GNAT3: variants seen among roughly 807,000 people sequenced by gnomAD.
GNAT3 encodes the protein G protein subunit alpha transducin 3.
GNAT3 carries 31 observed loss-of-function variants against 37.7 expected under a neutral mutation model. That is an observed-to-expected ratio of 0.82 (90% confidence interval 0.62 to 1.11). The LOEUF (loss-of-function observed/expected upper bound fraction) is 1.11, where lower values mean the gene tolerates loss of function less well. Ranked by LOEUF, GNAT3 falls within the 50% of genes most tolerant of loss-of-function variation. The pLI is 0.00. For synonymous variants in GNAT3, 138 were observed against 139.8 expected (o/e 0.99, Z 0.09); for missense variants, 437 against 412.5 (o/e 1.06, Z -0.51).
intron 4 of GNAT3, among the ~76,000 whole-genome samples, chr7:80,475,702 T>C (rs1584174862): frequency 6.6e-6 from 1 of 152,136 alleles, no homozygotes; most frequent in African/African-American, 2.4e-5. Flanking sequence ...AACAAAATTA[T>C]TTTATTAGTT....
chr7:80,500,317 A>C (rs956598754), intron 1 of GNAT3, among the ~76,000 whole-genome samples: 2 of 151,888 alleles, frequency 1.3e-5, no homozygotes, highest in Non-Finnish European at 2.9e-5. Flanking sequence ...ATCCTCCCAC[A>C]AACCACGTGT....
chr7:80,488,982 G>A (rs1418016173), intron 2 of GNAT3, among the ~76,000 whole-genome samples: 1 of 151,940 alleles, frequency 6.6e-6, no homozygotes, highest in Non-Finnish European at 1.5e-5. Flanking sequence ...ATTTTTTTAA[G>A]AGAAAAATTT....
At chr7:80,473,367 TTTATC>T (rs1790250847) in intron 5 of GNAT3, among the ~76,000 whole-genome samples, 3 of 152,144 alleles carry the variant, frequency 2.0e-5, no homozygotes, top group Non-Finnish European at 4.4e-5. Context: ...ATTTGAAGCT[TTTATC>T]TTACTAAAAT....
chr7:80,463,539 A>T (rs1192734409), intron 5 of GNAT3, among the ~76,000 whole-genome samples: 3 of 151,958 alleles, frequency 2.0e-5, no homozygotes, highest in Non-Finnish European at 4.4e-5. Context: ...TCCATAAAGA[A>T]GCCTCCTGGA....
intron 5 of GNAT3, among the ~76,000 whole-genome samples, chr7:80,466,439 C>G (rs149052302): frequency 6.6e-6 from 1 of 152,116 alleles, no homozygotes; most frequent in Non-Finnish European, 1.5e-5. Context: ...AAACTCCTCT[C>G]TTTAAGGTGA....
intron 5 of GNAT3, among the ~76,000 whole-genome samples, chr7:80,473,897 G>A (rs530406807): frequency 6.6e-6 from 1 of 152,140 alleles, no homozygotes; most frequent in East Asian, 1.9e-4. Flanking sequence ...AAAATAGAAA[G>A]GCAAAGGAAA....
intron 1 of GNAT3, among the ~76,000 whole-genome samples, chr7:80,503,191 T>C (rs533005825): frequency 3.2e-4 from 49 of 152,314 alleles, no homozygotes; most frequent in Non-Finnish European, 5.9e-4. Flanking sequence ...CATTTCTACA[T>C]GCAAAGGTAT....
rs574247658 is a variant in GNAT3, at chr7:80,492,117, G to T, written c.161+2488C>A. Among the ~76,000 whole-genome samples the T allele has an allele frequency of 5.9e-5, 9 of 151,408 alleles. No homozygotes were observed. In the South Asian group the frequency reaches 1.9e-3, roughly 32 times the overall value. ...GGCTGAAGCAGGTGGATCACTTGAG[G>T]TCAGGAGTTCGAGACCAGCCTGGCC... On this transcript the variant is annotated intron_variant, in intron 2 of 7. Transcript: ENST00000398291.
At chr7:80,476,637 A>G (rs985180456) in intron 4 of GNAT3, among the ~76,000 whole-genome samples, 1 of 151,826 alleles carries the variant, frequency 6.6e-6, no homozygotes, top group Non-Finnish European at 1.5e-5. Flanking sequence ...AACAAGAAGT[A>G]TCTTACTTTT....
intron 4 of GNAT3, 109 bp downstream of exon 4, chr7:80,478,731 TA>T: frequency 2.9e-6 from 3 of 1,046,000 alleles, no homozygotes; most frequent in South Asian, 3.2e-5. Flanking sequence ...TAATAAAATG[TA>T]ACACCATTTA....
At chr7:80,479,931 AG>A (rs1790365972) in intron 3 of GNAT3, among the ~76,000 whole-genome samples, 1 of 152,080 alleles carries the variant, frequency 6.6e-6, no homozygotes, top group South Asian at 2.1e-4. Context: ...AGTAGGACAG[AG>A]GTGAGAGTTT....
chr7:80,490,044 T>C (rs894578581), intron 2 of GNAT3, among the ~76,000 whole-genome samples: 4 of 152,074 alleles, frequency 2.6e-5, no homozygotes, highest in Non-Finnish European at 5.9e-5. Context: ...TAAATTTCAG[T>C]GAGATAGAGC....
At chr7:80,491,270 G>T (rs1023095353) in intron 2 of GNAT3, among the ~76,000 whole-genome samples, 1 of 152,146 alleles carries the variant, frequency 6.6e-6, no homozygotes, top group Non-Finnish European at 1.5e-5. Context: ...GTAGGCTGGC[G>T]TTGTTGTAAT....
intron 2 of GNAT3, among the ~76,000 whole-genome samples, chr7:80,491,536 C>A (rs750043711): frequency 6.6e-5 from 10 of 152,074 alleles, no homozygotes; most frequent in East Asian, 3.9e-4. Flanking sequence ...GAGACACTAA[C>A]ATTTTAAATG....
intron 5 of GNAT3, among the ~76,000 whole-genome samples, chr7:80,468,363 T>C (rs1436632290): frequency 6.6e-6 from 1 of 152,122 alleles, no homozygotes; most frequent in Non-Finnish European, 1.5e-5. Flanking sequence ...AAATCAACAA[T>C]GCTACTGCAG....
chr7:80,464,854 G>A (rs1382646363), intron 5 of GNAT3, among the ~76,000 whole-genome samples: 2 of 151,994 alleles, frequency 1.3e-5, no homozygotes, highest in Non-Finnish European at 2.9e-5. Context: ...ACTCCATTAA[G>A]CAGTAGACTA....
intron 5 of GNAT3, among the ~76,000 whole-genome samples, chr7:80,470,370 T>C (rs1790191723): frequency 6.6e-6 from 1 of 152,158 alleles, no homozygotes; most frequent in Non-Finnish European, 1.5e-5. Flanking sequence ...TACTGGGGTG[T>C]GCCACCATGC....
chr7:80,511,789 C>T lies in GNAT3; in HGVS notation c.118+20G>A, dbSNP rs777543569. On this transcript the variant is annotated intron_variant, in intron 1 of 7. Transcript: ENST00000398291. The stretch of plus-strand genomic sequence containing the variant: ...GAAAAAAAAGTCAGGTTTTTGAAAG[C>T]AAAAGGGAAAAGAAATTACCTAATA... The T allele has an allele frequency of 1.0e-5, 16 of 1,525,610 alleles. No individual in the cohort carries two copies. Among genetic ancestry groups the T allele is most frequent in the African/African-American group, 2.7e-5 (2 of 73,148 alleles). The allele number at this position is 1,525,610 out of a possible 1,614,324, so 94.5% of individuals were successfully genotyped here. A position where few individuals can be genotyped will look rare whatever the true frequency, so the allele number is the denominator to read the frequency against.
At chr7:80,503,001 T>C (rs1341548989) in intron 1 of GNAT3, among the ~76,000 whole-genome samples, 2 of 152,148 alleles carry the variant, frequency 1.3e-5, no homozygotes, top group Non-Finnish European at 2.9e-5. Flanking sequence ...TACCTACCTT[T>C]ATCCTCCTCA....
Sources: gnomAD v4.1 joint callset for allele counts (sites outside exome capture counted in the v4.1 genomes callset) on GRCh38, gnomAD v4.1.1 for gene constraint, MANE v1.5 for transcripts, NCBI Gene and HGNC (gene_info 2026-07-23, HGNC 2026-07-21) for gene names.